The following MAGI2 variants were observed in gnomAD, a reference collection of about 807,000 sequenced individuals.
The protein encoded by MAGI2 is membrane-associated guanylate kinase, WW and PDZ domain-containing protein 2.
MAGI2 carries 35 observed loss-of-function variants against 133.3 expected under a neutral mutation model. That is an observed-to-expected ratio of 0.26 (90% confidence interval 0.20 to 0.35). The LOEUF (loss-of-function observed/expected upper bound fraction) is 0.35. MAGI2 is among the 10% of genes least tolerant of loss of function. MAGI2 has a pLI of 1.00. For synonymous variants in MAGI2, 729 were observed against 710.6 expected, an observed-to-expected ratio of 1.03 and a Z score of -0.41; for missense variants, 1,636 against 1,863.4, an observed-to-expected ratio of 0.88 and a Z score of 2.25.
At chr7:78,712,700 T>C (rs1819316745) in intron 2 of MAGI2, among the ~76,000 whole-genome samples, 1 of 152,036 alleles carries the variant, frequency 6.6e-6, no homozygotes, top group African/African-American at 2.4e-5. Flanking sequence ...CAAGATCTAC[T>C]CTCAGAAATG....
At chr7:79,103,129 G>C (rs530300732) in intron 1 of MAGI2, among the ~76,000 whole-genome samples, 6 of 152,200 alleles carry the variant, frequency 3.9e-5, no homozygotes, top group Admixed American at 2.0e-4. Flanking sequence ...TACTGATTCT[G>C]TTTCTTTTGT....
chr7:78,020,582 AG>A (rs751434558), intron 21 of MAGI2, among the ~76,000 whole-genome samples: 9 of 150,880 alleles, frequency 6.0e-5, no homozygotes, highest in Non-Finnish European at 1.3e-4. Context: ...CAAAAAAAAA[AG>A]GTCCATGCAT....
intron 2 of MAGI2, among the ~76,000 whole-genome samples, chr7:78,632,245 T>C (rs1379903891): frequency 6.6e-6 from 1 of 152,078 alleles, no homozygotes; most frequent in Non-Finnish European, 1.5e-5. Flanking sequence ...AAATAAAAAA[T>C]AAAAAGTTAT....
chr7:79,006,326 G>A (rs998344974), intron 2 of MAGI2, among the ~76,000 whole-genome samples: 1 of 152,172 alleles, frequency 6.6e-6, no homozygotes, highest in East Asian at 1.9e-4. Context: ...AGAATTTCTA[G>A]AGAGTGGAAA....
chr7:78,367,626 A>G (rs1793514353), intron 7 of MAGI2, among the ~76,000 whole-genome samples: 1 of 152,098 alleles, frequency 6.6e-6, no homozygotes, highest in African/African-American at 2.4e-5. Flanking sequence ...TGGACTAAGG[A>G]GTGGTTCTTT....
intron 1 of MAGI2, among the ~76,000 whole-genome samples, chr7:79,151,935 C>A (rs1186643607): frequency 6.6e-6 from 1 of 152,070 alleles, no homozygotes; most frequent in African/African-American, 2.4e-5. Context: ...TGTGATAGAA[C>A]ATGAATCAAA....
chr7:78,846,443 C>G (rs978778324), intron 2 of MAGI2, among the ~76,000 whole-genome samples: 5 of 151,978 alleles, frequency 3.3e-5, no homozygotes, highest in African/African-American at 1.2e-4. Flanking sequence ...TGTCTTCACG[C>G]TCAGAGTTGC....
chr7:79,137,524 C>T (rs1203124917), intron 1 of MAGI2, among the ~76,000 whole-genome samples: 1 of 150,488 alleles, frequency 6.6e-6, no homozygotes, highest in African/African-American at 2.4e-5. Context: ...GTGATCTCAG[C>T]TCACTGCAAC....
intron 2 of MAGI2, among the ~76,000 whole-genome samples, chr7:78,951,245 T>G (rs2151701957): frequency 6.6e-6 from 1 of 152,258 alleles, no homozygotes; most frequent in Admixed American, 6.5e-5. Flanking sequence ...GTGCTGGGAT[T>G]ACAGGCATGA....
intron 2 of MAGI2, among the ~76,000 whole-genome samples, chr7:78,856,581 C>T (rs573600364): frequency 2.4e-4 from 36 of 151,956 alleles, no homozygotes; most frequent in East Asian, 1.2e-3. Context: ...GTATTATTTC[C>T]GAGGGCTCTG....
chr7:79,118,918 T>C (rs183876212), intron 1 of MAGI2, among the ~76,000 whole-genome samples: 1 of 152,270 alleles, frequency 6.6e-6, no homozygotes, highest in East Asian at 1.9e-4. Flanking sequence ...AAGATTGTTT[T>C]ACATGTTGAA....
intron 9 of MAGI2, among the ~76,000 whole-genome samples, chr7:78,338,488 T>C (rs905401683): frequency 2.0e-5 from 3 of 152,254 alleles, no homozygotes; most frequent in African/African-American, 7.2e-5. Context: ...ATAGCATTGA[T>C]ATAAATACTC....
In MAGI2 at chr7:78,481,707, G is replaced by A. The variant is rs560941820; in HGVS notation, c.1045+8054C>T. On this transcript the variant is annotated intron_variant, in intron 6 of 21. Coordinates refer to ENST00000354212, the MANE Select transcript of MAGI2 (RefSeq NM_012301.4). ...GTGCTGGAACAGTTCAACATCCATAGGGAAAAAAAAATAGAGAACCTTAAC... is the reference window on the plus strand; with the variant it reads ...GTGCTGGAACAGTTCAACATCCATAAGGAAAAAAAAATAGAGAACCTTAAC... 2.7e-3 allele frequency among the ~76,000 whole-genome samples: 347 copies of A among 128,990 alleles called. 1 individual carries two copies. Among genetic ancestry groups the A allele is most frequent in the African/African-American group, 0.01 (328 of 32,690 alleles). 84.6% of individuals were successfully genotyped at this position (128,990 alleles called of 152,430 possible).
chr7:78,734,548 C>T (rs1821668242), intron 2 of MAGI2, among the ~76,000 whole-genome samples: 1 of 152,180 alleles, frequency 6.6e-6, no homozygotes, highest in Non-Finnish European at 1.5e-5. Context: ...ATTTTGAGTA[C>T]TTCCTGTAAG....
chr7:79,383,665 A>T (rs1204647428), intron 1 of MAGI2, among the ~76,000 whole-genome samples: 1 of 151,594 alleles, frequency 6.6e-6, no homozygotes, highest in Non-Finnish European at 1.5e-5. Flanking sequence ...TAAACAATAT[A>T]CCATGATCAA....
chr7:79,364,043 A>G (rs752981490), intron 1 of MAGI2, among the ~76,000 whole-genome samples: 39 of 152,154 alleles, frequency 2.6e-4, no homozygotes, highest in Middle Eastern at 3.4e-3. Context: ...ATCATGAGAT[A>G]TCACCTCACA....
intron 2 of MAGI2, among the ~76,000 whole-genome samples, chr7:78,763,935 T>C (rs1020619536): frequency 4.6e-5 from 7 of 152,192 alleles, no homozygotes; most frequent in African/African-American, 1.7e-4. Context: ...GAGTTTTGTT[T>C]ATTCTTTTCA....
At chr7:78,653,692 G>A (rs1342910345) in intron 2 of MAGI2, among the ~76,000 whole-genome samples, 2 of 151,800 alleles carry the variant, frequency 1.3e-5, no homozygotes, top group African/African-American at 4.8e-5. Flanking sequence ...TAGTTGATGG[G>A]TGCTGCAAAC....
chr7:79,015,825 A>G (rs906859509), intron 1 of MAGI2, among the ~76,000 whole-genome samples: 9 of 152,092 alleles, frequency 5.9e-5, no homozygotes, highest in African/African-American at 2.2e-4. Flanking sequence ...CATGTACAGC[A>G]TCCCCATGAG....
Sources: allele counts gnomAD v4.1 joint callset (sites outside exome capture counted in the v4.1 genomes callset), GRCh38; gene constraint gnomAD v4.1.1; transcripts MANE v1.5; gene names NCBI Gene and HGNC (gene_info 2026-07-23, HGNC 2026-07-21).